GRK5: variants seen among roughly 807,000 people sequenced by gnomAD.
GRK5 encodes the protein G protein-coupled receptor kinase 5.
In GRK5, 40 loss-of-function variants were observed where a neutral mutation model predicts 78.4. The ratio of observed to expected loss-of-function variants is 0.51; its 90% CI spans 0.40 to 0.66. The LOEUF (loss-of-function observed/expected upper bound fraction) is 0.66, where lower values mean the gene tolerates loss of function less well. GRK5 is among the 30% of genes least tolerant of loss of function. GRK5 has a pLI of 0.00. For synonymous variants in GRK5, 289 were observed against 296.8 expected, an observed-to-expected ratio of 0.97 and a Z score of 0.27; for missense variants, 598 against 759.9, an observed-to-expected ratio of 0.79 and a Z score of 2.50.
rs1309917312 is a variant in GRK5 at position 119,445,730 on chromosome 10, C to T, written c.1266+1978C>T. ...CTACCTTGTCCCCTCCAGCTGGTGG[C>T]AGCTCAGGACACTGCAGAGCCTGAC... On this transcript the variant is annotated intron_variant, in intron 12 of 15. Transcript: ENST00000392870. The surrounding 1 kb of genome is among the most constrained non-coding windows in gnomAD (Gnocchi z 4.1). 3.3e-5 allele frequency among the ~76,000 whole-genome samples: 5 copies of T among 152,056 alleles called. No individual in the cohort carries two copies. The highest frequency in any genetic ancestry group is 7.4e-5 in the Non-Finnish European group (5 of 67,996).
intron 1 of GRK5, among the ~76,000 whole-genome samples, chr10:119,292,119 C>CTT (rs1564879680): frequency 4.2e-5 from 1 of 24,076 alleles, no homozygotes; most frequent in African/African-American, 1.4e-4. Context: ...CCTCTTCCTC[C>CTT]CTCTCCTCAT....
At chr10:119,290,757 G>T (rs1279611218) in intron 1 of GRK5, among the ~76,000 whole-genome samples, 3 of 151,922 alleles carry the variant, frequency 2.0e-5, no homozygotes, top group Admixed American at 2.0e-4. Context: ...CCTTGGGCTG[G>T]GTTTCCCCTT....
Position 119,253,847 on chromosome 10 carries a change from GGTGT to G in GRK5, c.52+45901_52+45904del, listed in dbSNP as rs58171371. Among the ~76,000 whole-genome samples the G allele has an allele frequency of 0.65, 97,260 of 150,192 alleles. 32,747 individuals are homozygous for G. Among genetic ancestry groups the G allele is most frequent in the East Asian group, 0.76 (3,852 of 5,096 alleles). ...GTTCCTGGTGGTTCTTTGCCCCAGG[GGTGT>G]GTGTGTGTGTGTGTGTGTGTGTACA... On this transcript the variant is annotated intron_variant, in intron 1 of 15. Coordinates refer to ENST00000392870, the MANE Select transcript of GRK5 (RefSeq NM_005308.3). This position sits in a 1 kb window ranked among gnomAD's most constrained non-coding sequence, Gnocchi z 5.7.
chr10:119,297,668 C>T lies in GRK5; in HGVS notation c.53-28848C>T, dbSNP rs537150819. ...TTATAACAACCTACTCCTGTTTGGC[C>T]CCCTCTTGCTCTCTTGCTCTTGCCC... On this transcript the variant is annotated intron_variant, in intron 1 of 15. Coordinates refer to ENST00000392870, the MANE Select transcript of GRK5 (RefSeq NM_005308.3). Among the ~76,000 whole-genome samples the T allele has an allele frequency of 7.2e-5, 11 of 152,230 alleles. 1 individual carries two copies. In the South Asian group the frequency reaches 2.1e-3, roughly 29 times the overall value.
intron 4 of GRK5, among the ~76,000 whole-genome samples, chr10:119,410,565 G>A (rs985148921): frequency 6.6e-6 from 1 of 152,160 alleles, no homozygotes; most frequent in African/African-American, 2.4e-5. Context: ...ACGCTTTGCA[G>A]CCCCAAGGCA....
At chr10:119,344,829 A>G (rs1200731722) in intron 2 of GRK5, among the ~76,000 whole-genome samples, 2 of 150,268 alleles carry the variant, frequency 1.3e-5, no homozygotes. Context: ...CACCCCTGGC[A>G]GTCCCCTGCC....
At chr10:119,441,717 T>C (rs577145732) in intron 10 of GRK5, among the ~76,000 whole-genome samples, 1 of 152,310 alleles carries the variant, frequency 6.6e-6, no homozygotes, top group East Asian at 1.9e-4. Flanking sequence ...AGGAAGCCCA[T>C]TCAGCCTTTG....
In GRK5 at chr10:119,431,859, G is replaced by C. The variant is rs561466060; in HGVS notation, c.738+332G>C. ...ACCTGGGCCCAGGCTGGGAGCTGTG[G>C]GTTCCACAGACCCTCTAGGCTGGTG... On this transcript the variant is annotated intron_variant, in intron 8 of 15. Transcript: ENST00000392870. The surrounding 1 kb of genome is among the most constrained non-coding windows in gnomAD (Gnocchi z 4.8). Among the ~76,000 whole-genome samples, 269 of 152,332 alleles carry C rather than the reference G, an allele frequency of 1.8e-3. 2 individuals are homozygous for C. Among genetic ancestry groups the C allele is most frequent in the African/African-American group, 6.1e-3 (253 of 41,564 alleles).
intron 1 of GRK5, among the ~76,000 whole-genome samples, chr10:119,298,488 G>T (rs1313932747): frequency 6.6e-6 from 1 of 152,198 alleles, no homozygotes; most frequent in Non-Finnish European, 1.5e-5. Flanking sequence ...TGATGCCATT[G>T]ACTCTGCCAG....
chr10:119,401,657 G>T (rs1461416208), intron 4 of GRK5, among the ~76,000 whole-genome samples: 1 of 152,168 alleles, frequency 6.6e-6, no homozygotes, highest in Non-Finnish European at 1.5e-5. Flanking sequence ...TGGTAGCTGG[G>T]GCATCTTAAG....
intron 3 of GRK5, among the ~76,000 whole-genome samples, chr10:119,388,447 G>A (rs144023945): frequency 2.0e-5 from 3 of 152,040 alleles, no homozygotes; most frequent in Admixed American, 6.6e-5. Flanking sequence ...AGTGATTCTC[G>A]TGCCTCAGCC....
intron 1 of GRK5, among the ~76,000 whole-genome samples, chr10:119,222,686 G>A (rs1848674056): frequency 1.3e-5 from 2 of 152,022 alleles, no homozygotes; most frequent in Admixed American, 1.3e-4. Flanking sequence ...GTTAACAATT[G>A]GAGGAGAATG....
chr10:119,442,324 C>T (rs370818946), intron 11 of GRK5, among the ~76,000 whole-genome samples: 9 of 152,262 alleles, frequency 5.9e-5, no homozygotes, highest in African/African-American at 1.9e-4. Context: ...GGCCCCCAGC[C>T]CCACCTGTGT....
At chr10:119,282,429 C>T (rs547096126) in intron 1 of GRK5, among the ~76,000 whole-genome samples, 33 of 152,284 alleles carry the variant, frequency 2.2e-4, no homozygotes, top group African/African-American at 7.9e-4. Context: ...CTTGGCAGCC[C>T]GTCTCACCAG....
At position 119,323,271 on chromosome 10, in the gene GRK5, G is replaced by A. The variant is rs530539936; in HGVS notation, c.53-3245G>A. 2.3e-4 allele frequency among the ~76,000 whole-genome samples: 35 copies of A among 152,342 alleles called. No homozygotes were observed. The South Asian group carries it at 2.5e-3, about 11-fold the overall frequency. On this transcript the variant is annotated intron_variant, in intron 1 of 15. Coordinates refer to ENST00000392870, the MANE Select transcript of GRK5 (RefSeq NM_005308.3). ...GGAACGTCCTTAATGCAGCTGACTC[G>A]TTCACCTAAATAATGGTTAAACTGG...
chr10:119,220,555 C>T (rs1344879340), intron 1 of GRK5, among the ~76,000 whole-genome samples: 1 of 152,056 alleles, frequency 6.6e-6, no homozygotes, highest in African/African-American at 2.4e-5. Flanking sequence ...ATTTCAGAGG[C>T]GAGGCATGGT....
intron 3 of GRK5, among the ~76,000 whole-genome samples, chr10:119,394,275 C>CCGTGTATCTATGTGTGTGTGT (rs1554916264): frequency 5.2e-5 from 1 of 19,138 alleles, no homozygotes; most frequent in Non-Finnish European, 9.9e-5. Context: ...TGTGTGTGGG[C>CCGTGTATCTATGTGTGTGTGT]GTGTGTGTGG....
At chr10:119,375,667 G>T (rs1021639524) in intron 2 of GRK5, among the ~76,000 whole-genome samples, 1 of 152,224 alleles carries the variant, frequency 6.6e-6, no homozygotes, top group African/African-American at 2.4e-5. Flanking sequence ...GGTAGACATG[G>T]TTCTGTCTGA....
intron 2 of GRK5, among the ~76,000 whole-genome samples, chr10:119,373,627 G>T (rs1262716432): frequency 1.3e-5 from 2 of 152,136 alleles, no homozygotes; most frequent in Non-Finnish European, 2.9e-5. Context: ...AGCAGCATGA[G>T]AACAGACTAA....
Sources: gnomAD v4.1 joint callset for allele counts (sites outside exome capture counted in the v4.1 genomes callset) on GRCh38, gnomAD v4.1.1 for gene constraint, Gnocchi (gnomAD v3.1) non-coding constraint, MANE v1.5 for transcripts, NCBI Gene and HGNC (gene_info 2026-07-23, HGNC 2026-07-21) for gene names.